ATOSA: variants seen among roughly 807,000 people sequenced by gnomAD.
ATOSA encodes the protein atos homolog protein A.
At chr15:52,602,714 C>G in the ATOSA span, among the ~76,000 whole-genome samples, 1 of 152,128 alleles carries the variant, frequency 6.6e-6, no homozygotes, top group South Asian at 2.1e-4. Context: ...CTACTCCACC[C>G]GAGTAAATAG....
At chr15:52,641,855 T>C in the ATOSA span, among the ~76,000 whole-genome samples, 1 of 152,246 alleles carries the variant, frequency 6.6e-6, no homozygotes, top group Non-Finnish European at 1.5e-5. Context: ...CAGTATCCTT[T>C]GATAAAGATA....
the ATOSA span, among the ~76,000 whole-genome samples, chr15:52,647,474 T>C: frequency 1.3e-5 from 2 of 152,240 alleles, no homozygotes; most frequent in Non-Finnish European, 2.9e-5. Context: ...TAAATTTTAA[T>C]ATTTCAAGAC....
chr15:52,608,696 C>A, the ATOSA span: 3 of 1,612,406 alleles, frequency 1.9e-6, no homozygotes, highest in African/African-American at 1.3e-5. Flanking sequence ...TTTAATTGGT[C>A]TGACTTTTTA....
chr15:52,593,513 G>A, the ATOSA span: 4 of 1,417,632 alleles, frequency 2.8e-6, no homozygotes, highest in African/African-American at 5.8e-5. Flanking sequence ...CTGCATCAAA[G>A]CACTTAAATT....
the ATOSA span, among the ~76,000 whole-genome samples, chr15:52,618,315 A>G: frequency 1.5e-3 from 221 of 152,312 alleles, no homozygotes; most frequent in Middle Eastern, 6.8e-3. Flanking sequence ...CTGGGATTAC[A>G]GGTGTGTGCC....
At chr15:52,607,670 G>A in the ATOSA span, among the ~76,000 whole-genome samples, 2 of 152,116 alleles carry the variant, frequency 1.3e-5, no homozygotes, top group African/African-American at 4.8e-5. Context: ...TTAGGTTGGT[G>A]CAAAAGTAAC....
the ATOSA span, among the ~76,000 whole-genome samples, chr15:52,591,291 C>A: frequency 5.3e-5 from 8 of 152,162 alleles, no homozygotes; most frequent in African/African-American, 1.9e-4. Flanking sequence ...AGTGCAATGA[C>A]GCGATCTCGG....
chr15:52,680,238 T>C, the ATOSA span, among the ~76,000 whole-genome samples: 1 of 152,140 alleles, frequency 6.6e-6, no homozygotes, highest in African/African-American at 2.4e-5. Flanking sequence ...TCTGCTGTAC[T>C]TAAAAAAAAA....
the ATOSA span, among the ~76,000 whole-genome samples, chr15:52,627,220 AG>A: frequency 5.9e-4 from 90 of 152,334 alleles, 1 homozygote; most frequent in East Asian, 7.9e-3. Flanking sequence ...CTAAGAGGGA[AG>A]GGAAGGAGAA....
At chr15:52,650,127 T>TA in the ATOSA span, among the ~76,000 whole-genome samples, 6 of 152,174 alleles carry the variant, frequency 3.9e-5, no homozygotes, top group African/African-American at 1.4e-4. Context: ...GAGTTACAGC[T>TA]AAAAAATGAA....
the ATOSA span, chr15:52,613,770 C>T: frequency 1.2e-6 from 2 of 1,613,900 alleles, no homozygotes; most frequent in Non-Finnish European, 1.7e-6. Context: ...TTTTACAGAA[C>T]ATTCAGGTGT....
chr15:52,690,928 AT>A, the ATOSA span, among the ~76,000 whole-genome samples: 1 of 152,346 alleles, frequency 6.6e-6, no homozygotes, highest in African/African-American at 2.4e-5. Flanking sequence ...ATGTCAAGGA[AT>A]TGACATTGAT....
chr15:52,602,918 C>T, the ATOSA span, among the ~76,000 whole-genome samples: 1 of 152,198 alleles, frequency 6.6e-6, no homozygotes, highest in Non-Finnish European at 1.5e-5. Context: ...CAGGTTACAC[C>T]TTGGGAATTT....
chr15:52,653,329 T>G, the ATOSA span, among the ~76,000 whole-genome samples: 2 of 152,130 alleles, frequency 1.3e-5, no homozygotes, highest in African/African-American at 4.8e-5. Context: ...TCCACAAGAT[T>G]TCTACCCCTG....
the ATOSA span, chr15:52,586,904 T>C: frequency 5.5e-6 from 3 of 543,252 alleles, no homozygotes; most frequent in Non-Finnish European, 2.9e-6. Context: ...AAGAGTCCTA[T>C]TGAAGTTATG....
chr15:52,685,441 TTTG>T, the ATOSA span, among the ~76,000 whole-genome samples: 1 of 152,078 alleles, frequency 6.6e-6, no homozygotes, highest in African/African-American at 2.4e-5. Context: ...TTTGTTTTGT[TTTG>T]TTTTTCTAAA....
chr15:52,697,718 G>T, the ATOSA span, among the ~76,000 whole-genome samples: 1 of 150,742 alleles, frequency 6.6e-6, no homozygotes, highest in African/African-American at 2.4e-5. Flanking sequence ...AAAAAAAAAA[G>T]ATTTCTTCAA....
chr15:52,611,640 A>T, the ATOSA span: 1 of 1,614,020 alleles, frequency 6.2e-7, no homozygotes, highest in Non-Finnish European at 8.5e-7. Context: ...TCGCAGGATC[A>T]TTTAGATCAA....
At chr15:52,644,934 G>A in the ATOSA span, among the ~76,000 whole-genome samples, 1 of 152,228 alleles carries the variant, frequency 6.6e-6, no homozygotes, top group Admixed American at 6.5e-5. Context: ...GTGAGCAGCT[G>A]AGGGCAACTC....
Sources: gnomAD v4.1 joint callset for allele counts (sites outside exome capture counted in the v4.1 genomes callset) on GRCh38, gnomAD v4.1.1 for gene constraint, MANE v1.5 for transcripts, NCBI Gene and HGNC (gene_info 2026-07-23, HGNC 2026-07-21) for gene names.